Variants in PINX1 observed in about 807,000 individuals in gnomAD.
PINX1 encodes PIN2/TERF1-interacting telomerase inhibitor 1.
A neutral mutation model predicts 25.4 loss-of-function variants in PINX1; 34 were observed. The ratio of observed to expected loss-of-function variants is 1.34; its 90% CI spans 1.02 to 1.78. The LOEUF (loss-of-function observed/expected upper bound fraction) is 1.78, where lower values mean the gene tolerates loss of function less well. Ranked by LOEUF, PINX1 falls within the 40% of genes most tolerant of loss-of-function variation. PINX1 has a pLI of 0.00. For missense variants in PINX1, 592 were observed against 404.9 expected, an observed-to-expected ratio of 1.46 and a Z score of -3.97; for synonymous variants, 197 against 147.7, an observed-to-expected ratio of 1.33 and a Z score of -2.42.
intron 6 of PINX1, among the ~76,000 whole-genome samples, chr8:10,776,134 A>G (rs1801385907): frequency 6.6e-6 from 1 of 152,126 alleles, no homozygotes; most frequent in South Asian, 2.1e-4. Context: ...CGAGAATAAA[A>G]TTGGTCTTGG....
intron 6 of PINX1, among the ~76,000 whole-genome samples, chr8:10,793,212 TCTAAA>T (rs1437946819): frequency 1.3e-5 from 2 of 152,176 alleles, no homozygotes; most frequent in Admixed American, 6.5e-5. Flanking sequence ...GTCTGCATCC[TCTAAA>T]CTATTTTAAC....
At chr8:10,782,172 G>T (rs548864313) in intron 6 of PINX1, among the ~76,000 whole-genome samples, 1 of 152,294 alleles carries the variant, frequency 6.6e-6, no homozygotes, top group East Asian at 1.9e-4. Flanking sequence ...GGAGCAGGGT[G>T]GGGGATAGAA....
chr8:10,825,051 G>A (rs1321531977), intron 5 of PINX1, among the ~76,000 whole-genome samples: 1 of 152,148 alleles, frequency 6.6e-6, no homozygotes, highest in African/African-American at 2.4e-5. Context: ...ACGGCTGCTG[G>A]AGAGGGAAGG....
rs779665617 is a variant in PINX1 at position 10,765,602 on chromosome 8, TC to T, written c.785del (p.Arg262LysfsTer30). ...KKSAPAEEQL[R>X]GPCWDQSSKA... ...TGGAACTCTGGTCCCAGCAGGGGCC[TC>T]TGAGCTGCTCTTCTGCTGGCGCGCT... On this transcript the variant is annotated frameshift_variant, in exon 7 of 7. Coordinates refer to ENST00000314787, the MANE Select transcript of PINX1 (RefSeq NM_017884.6). LOFTEE classifies it low-confidence loss of function (END_TRUNC). 2.5e-6 allele frequency: 4 copies of T among 1,613,780 alleles called. No homozygotes were observed. Among genetic ancestry groups the T allele is most frequent in the Admixed American group, 1.7e-5 (1 of 60,010 alleles).
chr8:10,829,866 G>A (rs1300588056), intron 4 of PINX1, among the ~76,000 whole-genome samples: 1 of 151,968 alleles, frequency 6.6e-6, no homozygotes, highest in Non-Finnish European at 1.5e-5. Flanking sequence ...GTATTTTTAG[G>A]AGAGACAGGG....
At chr8:10,766,362 T>C (rs191463345) in intron 6 of PINX1, among the ~76,000 whole-genome samples, 36 of 152,366 alleles carry the variant, frequency 2.4e-4, no homozygotes, top group East Asian at 2.1e-3. Flanking sequence ...ATGGGTTACA[T>C]GGGCCCCTGT....
At chr8:10,806,655 G>A (rs1387200803) in intron 6 of PINX1, among the ~76,000 whole-genome samples, 1 of 152,174 alleles carries the variant, frequency 6.6e-6, no homozygotes. Flanking sequence ...TTTCCAGAGT[G>A]GGGAACAGCA....
rs746353162 is a variant in PINX1, at chr8:10,765,463, C to T, written c.925G>A (p.Ala309Thr). The change falls in exon 7 of 7, where the codon GCA (alanine) becomes ACA (threonine). Residue 309 changes from alanine to threonine, a missense_variant. Coordinates refer to ENST00000314787, the MANE Select transcript of PINX1 (RefSeq NM_017884.6). ...KKKLQKPVEI[A>T]EDATLEETLV... Reference sequence around the variant, plus strand: ...GTTTCTTCTAGTGTAGCGTCCTCTGCTATCTCTACTGGTTTTTGCAGCTTT... The same window carrying T: ...GTTTCTTCTAGTGTAGCGTCCTCTGTTATCTCTACTGGTTTTTGCAGCTTT... 1 of 1,613,100 alleles carries T rather than the reference C, an allele frequency of 6.2e-7. No homozygotes were observed. The highest frequency in any genetic ancestry group is 2.2e-5 in the East Asian group (1 of 44,890).
intron 6 of PINX1, among the ~76,000 whole-genome samples, chr8:10,800,367 CT>C (rs1180720374): frequency 1.3e-5 from 2 of 152,014 alleles, no homozygotes; most frequent in African/African-American, 4.8e-5. Flanking sequence ...TTTTGCGATT[CT>C]TTTACTGAAA....
intron 6 of PINX1, among the ~76,000 whole-genome samples, chr8:10,805,585 A>T (rs866373671): frequency 9.7e-6 from 1 of 103,432 alleles, no homozygotes; most frequent in South Asian, 3.4e-4. Context: ...AGGGGGTGAC[A>T]GAGCACAGGA....
intron 6 of PINX1, among the ~76,000 whole-genome samples, chr8:10,810,676 G>A (rs1287882511): frequency 6.6e-6 from 1 of 152,214 alleles, no homozygotes; most frequent in Admixed American, 6.5e-5. Flanking sequence ...GAGCATGTCA[G>A]CAGGTGCTCA....
At chr8:10,801,687 C>A (rs1187506398) in intron 6 of PINX1, among the ~76,000 whole-genome samples, 1 of 152,156 alleles carries the variant, frequency 6.6e-6, no homozygotes, top group East Asian at 1.9e-4. Flanking sequence ...GCCTAAGTTT[C>A]TGACTTTTAA....
chr8:10,787,958 C>T, intron 6 of PINX1: 1 of 366,798 alleles, frequency 2.7e-6, no homozygotes, highest in Non-Finnish European at 5.3e-6. Flanking sequence ...TATTAGACAA[C>T]TGGGGAAACT....
Position 10,765,925 on chromosome 8 carries a change from G to T in PINX1, c.472-9C>A. 7.5e-6 allele frequency: 12 copies of T among 1,610,464 alleles called. No homozygotes were observed. Among genetic ancestry groups the T allele is most frequent in the Non-Finnish European group, 1.0e-5 (12 of 1,178,446 alleles). ...GAGGGACTGGCATCGCCCTATGGTGGGCAGAAGAGTTAAAAGGCAGGTAAG... is the reference window on the plus strand; with the variant it reads ...GAGGGACTGGCATCGCCCTATGGTGTGCAGAAGAGTTAAAAGGCAGGTAAG... On this transcript the variant is annotated splice_polypyrimidine_tract_variant and intron_variant, in intron 6 of 6. Coordinates refer to ENST00000314787, the MANE Select transcript of PINX1 (RefSeq NM_017884.6).
At chr8:10,826,889 G>A (rs1262604539) in intron 4 of PINX1, among the ~76,000 whole-genome samples, 1 of 152,226 alleles carries the variant, frequency 6.6e-6, no homozygotes, top group Non-Finnish European at 1.5e-5. Context: ...AGGTTGCTGT[G>A]CCGTGGTGGC....
At chr8:10,819,134 C>T (rs576218668) in intron 6 of PINX1, among the ~76,000 whole-genome samples, 77 of 152,348 alleles carry the variant, frequency 5.1e-4, no homozygotes, top group African/African-American at 1.9e-3. Context: ...CCTGCTGCTT[C>T]CATCTGCTGA....
intron 3 of PINX1, among the ~76,000 whole-genome samples, chr8:10,832,278 T>G (rs1586210753): frequency 6.6e-6 from 1 of 152,110 alleles, no homozygotes; most frequent in African/African-American, 2.4e-5. Flanking sequence ...ACCTAATAAG[T>G]TTATTATAAA....
intron 6 of PINX1, among the ~76,000 whole-genome samples, chr8:10,804,385 G>C (rs956336348): frequency 1.3e-5 from 2 of 152,192 alleles, no homozygotes; most frequent in African/African-American, 4.8e-5. Flanking sequence ...GGGTGACACA[G>C]AGCTGGGTGA....
intron 6 of PINX1, among the ~76,000 whole-genome samples, chr8:10,766,773 G>A (rs531153761): frequency 6.6e-6 from 1 of 152,316 alleles, no homozygotes; most frequent in South Asian, 2.1e-4. Context: ...GAAAAAATGT[G>A]AAAAATGTAT....
Sources: allele counts gnomAD v4.1 joint callset (sites outside exome capture counted in the v4.1 genomes callset), GRCh38; gene constraint gnomAD v4.1.1; transcripts MANE v1.5; gene names NCBI Gene and HGNC (gene_info 2026-07-23, HGNC 2026-07-21).